The following CSMD2 variants were observed in gnomAD, a reference collection of about 807,000 sequenced individuals.
The protein encoded by CSMD2 is CUB and Sushi multiple domains 2, also known as CUB and sushi domain-containing protein 2.
Under a neutral mutation model 398.5 loss-of-function variants are expected in CSMD2, and 130 were observed. That is an observed-to-expected ratio of 0.33 (90% CI 0.28 to 0.38). The LOEUF is 0.38. Among genes scored for constraint, CSMD2 ranks in the 10% least tolerant of loss-of-function variants. The pLI is 1.00. For missense variants in CSMD2, 3,829 were observed against 4,764.9 expected, an observed-to-expected ratio of 0.80 and a Z score of 5.78; for synonymous variants, 1,828 against 1,908.5, an observed-to-expected ratio of 0.96 and a Z score of 1.10.
intron 33 of CSMD2, 29 bp from the exon 34 acceptor site, chr1:33,625,283 G>A: frequency 6.3e-7 from 1 of 1,587,168 alleles, no homozygotes; most frequent in Non-Finnish European, 8.6e-7. Flanking sequence ...CTGAGGGGAG[G>A]CCTCACCCCT....
intron 2 of CSMD2, among the ~76,000 whole-genome samples, chr1:34,076,934 T>TATATA (rs1558342780): frequency 3.1e-4 from 18 of 57,926 alleles, no homozygotes; most frequent in African/African-American, 1.5e-3. Context: ...AAAAAATATA[T>TATATA]ATATATATAT....
intron 5 of CSMD2, among the ~76,000 whole-genome samples, chr1:33,874,753 C>T (rs979607629): frequency 6.6e-5 from 10 of 152,216 alleles, no homozygotes; most frequent in Non-Finnish European, 8.8e-5. Flanking sequence ...CAGACAGAAT[C>T]AGCATTTTCC....
chr1:33,705,054 T>C (rs1029049255), intron 22 of CSMD2, among the ~76,000 whole-genome samples: 4 of 152,096 alleles, frequency 2.6e-5, no homozygotes, highest in Non-Finnish European at 5.9e-5. Context: ...TTTAGATCTG[T>C]GATCAAAAGT....
chr1:33,765,115 A>G (rs940631702), intron 13 of CSMD2, among the ~76,000 whole-genome samples: 29 of 152,250 alleles, frequency 1.9e-4, no homozygotes, highest in Admixed American at 6.5e-4. Context: ...AGGGCTGTGT[A>G]TTATAAAAAT....
At chr1:33,572,276 A>T (rs1418491855) in intron 50 of CSMD2, among the ~76,000 whole-genome samples, 1 of 152,162 alleles carries the variant, frequency 6.6e-6, no homozygotes, top group Non-Finnish European at 1.5e-5. Flanking sequence ...GGACCAGGCC[A>T]TTCCTAAGTT....
At chr1:34,152,391 A>T (rs536269128) in intron 1 of CSMD2, among the ~76,000 whole-genome samples, 1 of 152,248 alleles carries the variant, frequency 6.6e-6, no homozygotes, top group East Asian at 1.9e-4. Context: ...TGCCTTTGCC[A>T]GTAGCACCCT....
chr1:33,818,124 C>G (rs577851016), intron 9 of CSMD2, among the ~76,000 whole-genome samples: 1 of 152,316 alleles, frequency 6.6e-6, no homozygotes, highest in African/African-American at 2.4e-5. Context: ...CAGATCCCAC[C>G]ACTGCAAAAG....
intron 22 of CSMD2, among the ~76,000 whole-genome samples, chr1:33,704,929 A>AT (rs61275822): frequency 0.011 from 1,602 of 140,474 alleles, 20 homozygotes; most frequent in African/African-American, 0.029. Flanking sequence ...CGTCCCGCTA[A>AT]TTTTTTTTTT....
chr1:33,648,302 C>T lies in CSMD2; in HGVS notation c.4587-1467G>A, dbSNP rs553088879. 1.0e-4 allele frequency among the ~76,000 whole-genome samples: 15 copies of T among 148,370 alleles called. No individual in the cohort carries two copies. In the South Asian group the frequency reaches 2.3e-3, roughly 23 times the overall value. On this transcript the variant is annotated intron_variant, in intron 28 of 70. Coordinates refer to ENST00000373381, the MANE Select transcript of CSMD2 (RefSeq NM_001281956.2). ...GCATGAACCCGGGAGGTGGAGTTTGCAGTCAGCAGAGATTGTGCCACTGTA... is the reference window on the plus strand; with the variant it reads ...GCATGAACCCGGGAGGTGGAGTTTGTAGTCAGCAGAGATTGTGCCACTGTA...
At chr1:33,816,556 G>A (rs1657486230) in intron 9 of CSMD2, among the ~76,000 whole-genome samples, 2 of 152,046 alleles carry the variant, frequency 1.3e-5, no homozygotes, top group South Asian at 4.2e-4. Context: ...TTGAATATTG[G>A]GCTCCATATG....
rs1641907942 is a variant in CSMD2, at chr1:33,623,565, T to C, written c.5626-99A>G. 3 of 839,768 alleles carry C rather than the reference T, an allele frequency of 3.6e-6. No homozygotes were observed. The African/African-American group carries it at 5.0e-5, about 14-fold the overall frequency. 52.0% of individuals were successfully genotyped at this position (839,768 alleles called of 1,614,324 possible). On this transcript the variant is annotated intron_variant, in intron 35 of 70. Transcript: ENST00000373381. ...CCCTTCCCGTAGTTAATTCAATTTG[T>C]TGAGAATCTACTCTGGGCCTAACAC...
intron 25 of CSMD2, among the ~76,000 whole-genome samples, chr1:33,692,045 T>C (rs565476741): frequency 2.6e-5 from 4 of 152,358 alleles, no homozygotes; most frequent in African/African-American, 7.2e-5. Context: ...TGTGCAAACT[T>C]AGAAATGCTA....
chr1:34,120,488 T>TGTA (rs1360357251), intron 1 of CSMD2, among the ~76,000 whole-genome samples: 1 of 152,216 alleles, frequency 6.6e-6, no homozygotes, highest in East Asian at 1.9e-4. Flanking sequence ...TGGGAGTTTG[T>TGTA]GTAAGATTTA....
At chr1:33,883,861 C>T (rs1163464942) in intron 5 of CSMD2, among the ~76,000 whole-genome samples, 3 of 152,192 alleles carry the variant, frequency 2.0e-5, no homozygotes, top group Non-Finnish European at 4.4e-5. Context: ...CCAATGAAGA[C>T]CAGGGCTCTT....
intron 26 of CSMD2, among the ~76,000 whole-genome samples, chr1:33,659,803 C>T (rs893804911): frequency 1.3e-5 from 2 of 152,222 alleles, no homozygotes; most frequent in Admixed American, 6.5e-5. Flanking sequence ...TACTCAATAA[C>T]ACCTAAGGAA....
chr1:33,972,832 AAC>A (rs1229273234), intron 3 of CSMD2, among the ~76,000 whole-genome samples: 3 of 152,206 alleles, frequency 2.0e-5, no homozygotes, highest in Non-Finnish European at 4.4e-5. Flanking sequence ...ATAGGAAACC[AAC>A]ACACAGACCA....
At chr1:34,123,560 G>T (rs1488501306) in intron 1 of CSMD2, among the ~76,000 whole-genome samples, 3 of 151,994 alleles carry the variant, frequency 2.0e-5, no homozygotes, top group African/African-American at 7.3e-5. Context: ...GAAGCCAATT[G>T]GTCAGAAGTT....
intron 5 of CSMD2, among the ~76,000 whole-genome samples, chr1:33,853,622 T>C (rs770968366): frequency 3.2e-4 from 45 of 142,076 alleles, no homozygotes; most frequent in African/African-American, 1.2e-3. Context: ...ACTCAGCTGA[T>C]AGGAGCAGAA....
At chr1:33,666,061 C>T (rs367960586) in intron 25 of CSMD2, among the ~76,000 whole-genome samples, 13 of 152,234 alleles carry the variant, frequency 8.5e-5, no homozygotes, top group South Asian at 6.2e-4. Flanking sequence ...CCCTTAGTTG[C>T]GGGCTGTTTC....
Sources: allele counts gnomAD v4.1 joint callset (sites outside exome capture counted in the v4.1 genomes callset), GRCh38; gene constraint gnomAD v4.1.1; transcripts MANE v1.5; gene names NCBI Gene and HGNC (gene_info 2026-07-23, HGNC 2026-07-21).